Variants in CDH18 observed in about 807,000 individuals in gnomAD.
CDH18 encodes the protein cadherin 18, also known as cadherin-18.
In CDH18, 31 loss-of-function variants were observed where a neutral mutation model predicts 67.9. The observed-to-expected ratio is 0.46, with a 90% CI of 0.34 to 0.62. The LOEUF (loss-of-function observed/expected upper bound fraction) is 0.62. Ranked by LOEUF, CDH18 falls within the 20% of genes least tolerant of loss-of-function variation. The probability of loss-of-function intolerance (pLI) is 0.01; values close to 1 mark genes in which losing one functional copy is unlikely to be tolerated. For synonymous variants in CDH18, 362 were observed against 347.2 expected (o/e 1.04, Z -0.48); for missense variants, 890 against 975.5 (o/e 0.91, Z 1.17).
Position 19,987,651 on chromosome 5 carries a change from T to G in CDH18, c.-376+435A>C, listed in dbSNP as rs561729682. The stretch of plus-strand genomic sequence containing the variant: ...AAGGCAATAATTAAAAAAAGCACTA[T>G]CGAAAATTCAATTTCAGTGCCCCTG... On this transcript the variant is annotated intron_variant, in intron 1 of 12. Coordinates refer to ENST00000382275, the MANE Select transcript of CDH18 (RefSeq NM_004934.5). 1.5e-3 allele frequency among the ~76,000 whole-genome samples: 224 copies of G among 152,244 alleles called. 6 individuals are homozygous for G. The highest frequency in any genetic ancestry group is 5.0e-4 in the Non-Finnish European group (34 of 68,006).
At chr5:19,587,346 C>T (rs777030302) in intron 7 of CDH18, among the ~76,000 whole-genome samples, 5 of 152,064 alleles carry the variant, frequency 3.3e-5, no homozygotes, top group Non-Finnish European at 5.9e-5. Flanking sequence ...TAGGGCTCTT[C>T]GTCATGATAT....
At chr5:19,940,171 T>G (rs1794675714) in intron 2 of CDH18, among the ~76,000 whole-genome samples, 1 of 151,718 alleles carries the variant, frequency 6.6e-6, no homozygotes, top group African/African-American at 2.4e-5. Context: ...CATATTTAAC[T>G]TTTTGAAGAT....
intron 2 of CDH18, among the ~76,000 whole-genome samples, chr5:20,117,266 A>C (rs1388631199): frequency 6.6e-6 from 1 of 152,186 alleles, no homozygotes; most frequent in Non-Finnish European, 1.5e-5. Flanking sequence ...CATCAAGGAA[A>C]GCAGAGTAAT....
At chr5:19,827,157 G>C (rs1407847116) in intron 3 of CDH18, among the ~76,000 whole-genome samples, 2 of 152,100 alleles carry the variant, frequency 1.3e-5, no homozygotes, top group Admixed American at 1.3e-4. Context: ...TGATGGGAAA[G>C]GGTTCAGTTC....
intron 5 of CDH18, among the ~76,000 whole-genome samples, chr5:19,635,631 C>G (rs115336607): frequency 6.6e-6 from 1 of 152,062 alleles, no homozygotes; most frequent in Non-Finnish European, 1.5e-5. Flanking sequence ...CCAAAACAAA[C>G]AAACAAACAA....
chr5:20,354,191 G>A (rs1741423877), intron 1 of CDH18, among the ~76,000 whole-genome samples: 2 of 152,112 alleles, frequency 1.3e-5, no homozygotes, highest in Admixed American at 6.5e-5. Context: ...ATTCTAAAAT[G>A]TAAGATAAAA....
chr5:19,950,539 A>G (rs2150261437), intron 2 of CDH18, among the ~76,000 whole-genome samples: 1 of 152,276 alleles, frequency 6.6e-6, no homozygotes, highest in South Asian at 2.1e-4. Flanking sequence ...ATTGAAATAA[A>G]GAAAATATTT....
In CDH18 at chr5:19,954,360, C is replaced by T. The variant is rs958185700; in HGVS notation, c.-257+26700G>A. On this transcript the variant is annotated intron_variant, in intron 2 of 12. Transcript: ENST00000382275. ...AATACTGTGAATAAAAGAGAAGCAA[C>T]GGTTAAAATTTAAGTGGTAAAAAAG... is the stretch of plus-strand genomic sequence containing the variant. 1.2e-4 allele frequency among the ~76,000 whole-genome samples: 18 copies of T among 151,838 alleles called. No homozygotes were observed. The East Asian group carries it at 2.1e-3, about 18-fold the overall frequency.
chr5:20,253,551 A>AT (rs991780604), intron 2 of CDH18, among the ~76,000 whole-genome samples: 4 of 152,128 alleles, frequency 2.6e-5, no homozygotes, highest in Non-Finnish European at 2.9e-5. Context: ...TGTAATAACC[A>AT]TTTTTTTGAA....
chr5:19,967,147 A>G (rs1450476756), intron 2 of CDH18, among the ~76,000 whole-genome samples: 2 of 152,054 alleles, frequency 1.3e-5, no homozygotes, highest in East Asian at 1.9e-4. Flanking sequence ...TGAATGCTAT[A>G]AAAGCTATAG....
At chr5:20,122,815 T>C (rs1407608141) in intron 2 of CDH18, among the ~76,000 whole-genome samples, 1 of 147,986 alleles carries the variant, frequency 6.8e-6, no homozygotes, top group Non-Finnish European at 1.5e-5. Flanking sequence ...ACAAAGTATA[T>C]ATATATATAT....
intron 1 of CDH18, among the ~76,000 whole-genome samples, chr5:20,430,153 A>G (rs534725461): frequency 6.6e-6 from 1 of 152,300 alleles, no homozygotes; most frequent in Admixed American, 6.5e-5. Context: ...ATTGGTTTTG[A>G]AATAAGAACT....
intron 2 of CDH18, among the ~76,000 whole-genome samples, chr5:19,948,470 AT>A (rs1795479974): frequency 6.6e-6 from 1 of 152,186 alleles, no homozygotes; most frequent in Admixed American, 6.5e-5. Context: ...TGGAAACTAT[AT>A]AACATTTTAA....
At chr5:19,910,262 T>G (rs1790982793) in intron 2 of CDH18, among the ~76,000 whole-genome samples, 1 of 152,136 alleles carries the variant, frequency 6.6e-6, no homozygotes, top group Admixed American at 6.6e-5. Context: ...CCCAAATTAG[T>G]CAGCAACACC....
intron 8 of CDH18, among the ~76,000 whole-genome samples, chr5:19,560,202 C>A (rs947140763): frequency 6.6e-6 from 1 of 151,842 alleles, no homozygotes; most frequent in African/African-American, 2.4e-5. Context: ...CCTGCATAGC[C>A]AAAGCAAGAC....
chr5:20,283,361 C>T (rs1407886206), intron 1 of CDH18, among the ~76,000 whole-genome samples: 1 of 151,926 alleles, frequency 6.6e-6, no homozygotes, highest in Non-Finnish European at 1.5e-5. Context: ...TGACAAGTGG[C>T]TAATTACCAG....
intron 2 of CDH18, among the ~76,000 whole-genome samples, chr5:19,932,797 C>T (rs1248276414): frequency 6.6e-6 from 1 of 151,632 alleles, no homozygotes; most frequent in Non-Finnish European, 1.5e-5. Flanking sequence ...GCTCAAACCA[C>T]TTGTCTAATT....
chr5:19,531,803 T>G (rs1748665669), intron 9 of CDH18, among the ~76,000 whole-genome samples: 1 of 152,080 alleles, frequency 6.6e-6, no homozygotes, highest in Admixed American at 6.5e-5. Flanking sequence ...AGGTGTGGCT[T>G]CCTGAAAATA....
chr5:19,702,839 G>C (rs952101654), intron 5 of CDH18, among the ~76,000 whole-genome samples: 2 of 152,128 alleles, frequency 1.3e-5, no homozygotes, highest in African/African-American at 4.8e-5. Flanking sequence ...TGGTTTACCG[G>C]AATGAGAGCA....
Sources: allele counts gnomAD v4.1 joint callset (sites outside exome capture counted in the v4.1 genomes callset), GRCh38; gene constraint gnomAD v4.1.1; transcripts MANE v1.5; gene names NCBI Gene and HGNC (gene_info 2026-07-23, HGNC 2026-07-21).